EXT2: variants seen among roughly 807,000 people sequenced by gnomAD.
EXT2 encodes the protein exostosin-2.
Under a neutral mutation model 81.6 loss-of-function variants are expected in EXT2, and 53 were observed. The observed-to-expected ratio is 0.65, with a 90% CI of 0.52 to 0.82. The LOEUF is 0.82. Among genes scored for constraint, EXT2 ranks in the 40% least tolerant of loss-of-function variants. The pLI is 0.00. For missense variants in EXT2, 774 were observed against 910.2 expected, an observed-to-expected ratio of 0.85 and a Z score of 1.93; for synonymous variants, 320 against 340.0, an observed-to-expected ratio of 0.94 and a Z score of 0.65.
Position 44,124,934 on chromosome 11 carries a change from C to G in EXT2, c.889C>G (p.Arg297Gly). 6.2e-7 allele frequency: 1 copy of G among 1,613,776 alleles called. No individual in the cohort carries two copies. The highest frequency in any genetic ancestry group is 1.3e-5 in the African/African-American group (1 of 75,008). Residue 297 changes from arginine (R) to glycine (G), a missense_variant, in exon 5 of 14, where the codon CGT becomes GGT. Coordinates refer to ENST00000533608, the MANE Select transcript of EXT2 (RefSeq NM_207122.2). ...TNLSEGVLSV[R>G]KRCHKHQVFD... ...CCTCTCAGAGGGTGTCCTTTCTGTC[C>G]GTAAGCGCTGCCACAAGCACCAGGT...
chr11:44,244,006 C>T, intron 13 of EXT2, 143 bp from the exon 14 acceptor site: 1 of 800,230 alleles, frequency 1.2e-6, no homozygotes, highest in Non-Finnish European at 2.2e-6. Flanking sequence ...ACTGTGGCTA[C>T]TTGAGCTTTT....
intron 1 of EXT2, among the ~76,000 whole-genome samples, chr11:44,100,589 C>T: frequency 6.6e-6 from 1 of 152,128 alleles, no homozygotes; most frequent in East Asian, 1.9e-4. Flanking sequence ...TAAGAGAATG[C>T]CATGCCCAGA....
At position 44,245,539 on chromosome 11, in the gene EXT2, A is replaced by G. The variant is rs1372633474; in HGVS notation, c.*1252A>G. Reference sequence around the variant, plus strand: ...TTTATCTGGCTCTGATATTAAGATTAGCCACAGTTTGGGCTTTAGCCACAA... The same window carrying G: ...TTTATCTGGCTCTGATATTAAGATTGGCCACAGTTTGGGCTTTAGCCACAA... On this transcript the variant is annotated 3_prime_UTR_variant, in exon 14 of 14. Coordinates refer to ENST00000533608, the MANE Select transcript of EXT2 (RefSeq NM_207122.2). 1 of 176,504 alleles carries G rather than the reference A, an allele frequency of 5.7e-6. No individual in the cohort carries two copies. The allele number at this position is 176,504 out of a possible 1,614,324, so 10.9% of individuals were successfully genotyped here. A position where few individuals can be genotyped will look rare whatever the true frequency, so the allele number is the denominator to read the frequency against.
intron 9 of EXT2, among the ~76,000 whole-genome samples, chr11:44,201,788 A>G (rs1955525000): frequency 1.3e-5 from 2 of 152,042 alleles, no homozygotes; most frequent in South Asian, 4.1e-4. Context: ...TTCTCCTTCT[A>G]CTGCTCCAGT....
chr11:44,188,764 G>C (rs922296516), intron 8 of EXT2, among the ~76,000 whole-genome samples: 10 of 152,176 alleles, frequency 6.6e-5, no homozygotes, highest in African/African-American at 2.4e-4. Flanking sequence ...AAGAGACAAA[G>C]AGGTGGAAAA....
chr11:44,157,345 G>T (rs1291811646), intron 7 of EXT2, among the ~76,000 whole-genome samples: 1 of 152,194 alleles, frequency 6.6e-6, no homozygotes, highest in Non-Finnish European at 1.5e-5. Context: ...CCCAAGTCAT[G>T]ACCAGAAATG....
intron 7 of EXT2, among the ~76,000 whole-genome samples, chr11:44,162,491 G>A (rs1053714003): frequency 1.3e-5 from 2 of 149,686 alleles, no homozygotes; most frequent in Non-Finnish European, 3.0e-5. Context: ...TAGGAGAATC[G>A]CTTGAACCCA....
intron 10 of EXT2, among the ~76,000 whole-genome samples, chr11:44,219,386 C>T (rs1955757770): frequency 1.3e-5 from 2 of 152,090 alleles, no homozygotes; most frequent in South Asian, 4.2e-4. Context: ...TGGTGGCGCT[C>T]ACCTGTAGTC....
chr11:44,200,603 A>C (rs1453266461), intron 9 of EXT2, among the ~76,000 whole-genome samples: 1 of 152,194 alleles, frequency 6.6e-6, no homozygotes, highest in Admixed American at 6.5e-5. Flanking sequence ...TCAGCAACCC[A>C]GGATGGTCAA....
chr11:44,125,903 C>T (rs974031962), intron 5 of EXT2, among the ~76,000 whole-genome samples: 25 of 152,170 alleles, frequency 1.6e-4, no homozygotes, highest in African/African-American at 2.4e-4. Flanking sequence ...CCTGCACCTC[C>T]GGGTACCACG....
intron 10 of EXT2, among the ~76,000 whole-genome samples, chr11:44,219,428 G>A (rs1955758462): frequency 6.6e-6 from 1 of 152,042 alleles, no homozygotes; most frequent in Admixed American, 6.5e-5. Context: ...TGAGGTGGGA[G>A]AATCACTTGA....
At chr11:44,205,552 G>A (rs986916640) in intron 9 of EXT2, among the ~76,000 whole-genome samples, 9 of 152,210 alleles carry the variant, frequency 5.9e-5, no homozygotes, top group Middle Eastern at 3.2e-3. Flanking sequence ...TTTTAAGACC[G>A]TGAATACAGG....
chr11:44,166,552 A>C (rs1001469376), intron 7 of EXT2, among the ~76,000 whole-genome samples: 1 of 152,182 alleles, frequency 6.6e-6, no homozygotes, highest in Non-Finnish European at 1.5e-5. Context: ...CTTTCTTCTT[A>C]TTAGTTAGTG....
In EXT2 at chr11:44,197,831, G is replaced by A. The variant is rs142792087; in HGVS notation, c.1308G>A (p.Lys436=). The A allele has an allele frequency of 8.1e-6, 13 of 1,613,854 alleles. No homozygotes were observed. The Admixed American group carries it at 1.2e-4, about 14-fold the overall frequency. ...YEEWNDPPAV[K]WGSVSNPLFL... ...CGTGTTAATCTGTCCTCTTGTAGAA[G>A]TGGGGCAGCGTGAGCAATCCACTCT... is the stretch of plus-strand genomic sequence containing the variant. The change falls in exon 9 of 14, where the codon AAG becomes AAA. Residue 436 remains lysine, a splice_region_variant and synonymous_variant. Coordinates refer to ENST00000533608, the MANE Select transcript of EXT2 (RefSeq NM_207122.2).
intron 6 of EXT2, among the ~76,000 whole-genome samples, chr11:44,127,471 T>A (rs544844563): frequency 2.1e-4 from 32 of 152,124 alleles, no homozygotes; most frequent in Non-Finnish European, 4.0e-4. Context: ...ATACAAGGGA[T>A]CTAGGTTGCG....
chr11:44,146,954 T>C (rs1175562963), intron 7 of EXT2, among the ~76,000 whole-genome samples: 3 of 152,228 alleles, frequency 2.0e-5, no homozygotes, highest in Non-Finnish European at 4.4e-5. Flanking sequence ...ATTCTTACGC[T>C]TACATCACTC....
intron 4 of EXT2, among the ~76,000 whole-genome samples, chr11:44,121,979 G>T (rs916944695): frequency 1.9e-4 from 29 of 151,920 alleles, no homozygotes; most frequent in African/African-American, 7.0e-4. Flanking sequence ...TTCCCCACCC[G>T]ACCATGCAGA....
chr11:44,143,278 A>G (rs909702033), intron 7 of EXT2, among the ~76,000 whole-genome samples: 8 of 152,322 alleles, frequency 5.3e-5, no homozygotes, highest in East Asian at 1.9e-4. Flanking sequence ...ATTAGAAACT[A>G]TAGAAGAGAA....
chr11:44,186,657 A>G (rs1166243275), intron 8 of EXT2, among the ~76,000 whole-genome samples: 1 of 152,238 alleles, frequency 6.6e-6, no homozygotes, highest in African/African-American at 2.4e-5. Context: ...AGAGGCATTC[A>G]AATGGGTTTA....
Sources: gnomAD v4.1 joint callset for allele counts (sites outside exome capture counted in the v4.1 genomes callset) on GRCh38, gnomAD v4.1.1 for gene constraint, MANE v1.5 for transcripts, NCBI Gene and HGNC (gene_info 2026-07-23, HGNC 2026-07-21) for gene names.